GTF2H1: variants seen among roughly 807,000 people sequenced by gnomAD.
GTF2H1 encodes the protein BTF2 p62.
GTF2H1 carries 16 observed loss-of-function variants against 71.2 expected under a neutral mutation model. That is an observed-to-expected ratio of 0.22 (90% CI 0.15 to 0.34). GTF2H1 has a LOEUF of 0.34. Among genes scored for constraint, GTF2H1 ranks in the 10% least tolerant of loss-of-function variants. The probability of loss-of-function intolerance (pLI) is 1.00; values close to 1 mark genes in which losing one functional copy is unlikely to be tolerated. For missense variants in GTF2H1, 498 were observed against 648.2 expected, an observed-to-expected ratio of 0.77 and a Z score of 2.52; for synonymous variants, 215 against 219.0, an observed-to-expected ratio of 0.98 and a Z score of 0.16.
At chr11:18,351,517 G>T (rs1865424298) in intron 9 of GTF2H1, 1 of 153,510 alleles carries the variant, frequency 6.5e-6, no homozygotes, top group South Asian at 2.0e-4. Context: ...ACATGTAAAA[G>T]ACTGTTTCCT....
At chr11:18,337,978 C>G in intron 3 of GTF2H1, 131 bp from the exon 4 acceptor site, 2 of 602,412 alleles carry the variant, frequency 3.3e-6, no homozygotes, top group Middle Eastern at 4.5e-4. Flanking sequence ...TGAAGGACCT[C>G]TGCTGCTCAA....
chr11:18,357,870 A>G, intron 11 of GTF2H1, 82 bp from the exon 12 acceptor site: 4 of 805,808 alleles, frequency 5.0e-6, no homozygotes, highest in South Asian at 1.4e-5. Context: ...TGTCTGCTCT[A>G]AAACTAAAAT....
intron 1 of GTF2H1, among the ~76,000 whole-genome samples, chr11:18,327,538 A>G (rs1864794997): frequency 6.6e-6 from 1 of 152,176 alleles, no homozygotes; most frequent in Non-Finnish European, 1.5e-5. Flanking sequence ...TCATGGGATT[A>G]TTAACTGGGG....
chr11:18,365,953 C>A lies in GTF2H1; in HGVS notation c.*84C>A. 1.2e-6 allele frequency: 1 copy of A among 847,646 alleles called. No homozygotes were observed. The highest frequency in any genetic ancestry group is 2.0e-6 in the Non-Finnish European group (1 of 505,546). The allele number at this position is 847,646 out of a possible 1,614,324, so 52.5% of individuals were successfully genotyped here. On this transcript the variant is annotated 3_prime_UTR_variant, in exon 15 of 15. Transcript: ENST00000265963. ...CTGGAAACCTGGCCTGACAGACAAG[C>A]AGATGACCTCACAGGAGTGATAAGA...
rs1298087906 is a variant in GTF2H1 at position 18,357,960 on chromosome 11, AAGT to A, written c.1273_1275del (p.Ser425del). The A allele has an allele frequency of 6.2e-7, 1 of 1,606,352 alleles. No homozygotes were observed. The highest frequency in any genetic ancestry group is 1.7e-5 in the Admixed American group (1 of 59,950). ...ATCTTCATTTTTTTCAGGTTCTCTC[AAGT>A]AGTGCTGCCAGTAGTACCATCACAG... On this transcript the variant is annotated inframe_deletion, in exon 12 of 15. Coordinates refer to ENST00000265963, the MANE Select transcript of GTF2H1 (RefSeq NM_005316.4).
chr11:18,328,203 A>C (rs1256738731), intron 1 of GTF2H1, among the ~76,000 whole-genome samples: 1 of 17,562 alleles, frequency 5.7e-5, no homozygotes, highest in Non-Finnish European at 1.2e-4. Flanking sequence ...ACTCCATCTC[A>C]AAAAAAAAAA....
rs1387824199 is a variant in GTF2H1, at chr11:18,335,755, C to T, written c.156C>T (p.Cys52=). Residue 52 remains cysteine, a splice_region_variant and synonymous_variant, in exon 3 of 15, where the codon TGC becomes TGT. Coordinates refer to ENST00000265963, the MANE Select transcript of GTF2H1 (RefSeq NM_005316.4). Reference sequence around the variant, plus strand: ...AACTGCCCTCATGCTTCTTTTTAGGCCAGAAAATTAGTCCAGAAGGAAAAG... The same window carrying T: ...AACTGCCCTCATGCTTCTTTTTAGGTCAGAAAATTAGTCCAGAAGGAAAAG... ...TISHMYADIK[C]QKISPEGKAK... 1 of 1,611,802 alleles carries T rather than the reference C, an allele frequency of 6.2e-7. No homozygotes were observed. Among genetic ancestry groups the T allele is most frequent in the African/African-American group, 1.3e-5 (1 of 74,844 alleles).
intron 1 of GTF2H1, among the ~76,000 whole-genome samples, chr11:18,329,417 G>C (rs1048352424): frequency 1.3e-5 from 2 of 152,132 alleles, no homozygotes; most frequent in African/African-American, 2.4e-5. Flanking sequence ...ATGGGGTATG[G>C]GCAAGCAACC....
At chr11:18,334,996 T>C (rs1864990832) in intron 2 of GTF2H1, among the ~76,000 whole-genome samples, 1 of 152,236 alleles carries the variant, frequency 6.6e-6, no homozygotes, top group Non-Finnish European at 1.5e-5. Context: ...CAATCTAGGT[T>C]CCTGTAGTTG....
chr11:18,364,277 C>T (rs766513559), intron 14 of GTF2H1, among the ~76,000 whole-genome samples: 4 of 152,076 alleles, frequency 2.6e-5, no homozygotes, highest in African/African-American at 4.8e-5. Flanking sequence ...ACTCTGTACC[C>T]CTCAGACCTA....
intron 7 of GTF2H1, 156 bp downstream of exon 7, chr11:18,341,763 T>C (rs1865162561): frequency 1.9e-6 from 1 of 527,974 alleles, no homozygotes; most frequent in Non-Finnish European, 3.3e-6. Flanking sequence ...GAAATAGCGT[T>C]GTTTGCCATT....
At chr11:18,362,106 C>T (rs1200061255) in intron 14 of GTF2H1, among the ~76,000 whole-genome samples, 2 of 152,170 alleles carry the variant, frequency 1.3e-5, no homozygotes, top group African/African-American at 4.8e-5. Context: ...AGCTATATAG[C>T]CTACTATACT....
intron 7 of GTF2H1, among the ~76,000 whole-genome samples, chr11:18,342,475 T>C (rs1350924154): frequency 1.3e-5 from 2 of 152,120 alleles, no homozygotes; most frequent in Admixed American, 1.3e-4. Flanking sequence ...TTGGCCAGGC[T>C]GGTCTCAAAC....
At chr11:18,336,468 A>G (rs899945091) in intron 3 of GTF2H1, among the ~76,000 whole-genome samples, 1 of 152,076 alleles carries the variant, frequency 6.6e-6, no homozygotes, top group African/African-American at 2.4e-5. Flanking sequence ...ATGTAGGAAA[A>G]TATGGGCTCT....
chr11:18,339,382 G>A lies in GTF2H1; in HGVS notation c.514-182G>A, dbSNP rs141183212. On this transcript the variant is annotated intron_variant, in intron 4 of 14. Transcript: ENST00000265963. ...CAGATTTTATAGGTCACTTAAGACCGTGAGAAACCAGTCAGGCTTTTTTGA... is the reference window on the plus strand; with the variant it reads ...CAGATTTTATAGGTCACTTAAGACCATGAGAAACCAGTCAGGCTTTTTTGA... Among the ~76,000 whole-genome samples, 42 of 152,314 alleles carry A rather than the reference G, an allele frequency of 2.8e-4. 1 individual carries two copies. The East Asian group carries it at 4.0e-3, about 15-fold the overall frequency.
Position 18,341,425 on chromosome 11 carries a change from C to T in GTF2H1, c.757+15C>T, listed in dbSNP as rs779409555. 55 of 1,611,396 alleles carry T rather than the reference C, an allele frequency of 3.4e-5. No homozygotes were observed. Among genetic ancestry groups the T allele is most frequent in the Admixed American group, 1.5e-4 (9 of 59,850 alleles). On this transcript the variant is annotated intron_variant, in intron 6 of 14. Transcript: ENST00000265963. The stretch of plus-strand genomic sequence containing the variant: ...AGATGAAAAAGGTAACTGTTTATCT[C>T]TGATAGACACTGGTATTTAACTTGC...
intron 2 of GTF2H1, among the ~76,000 whole-genome samples, chr11:18,334,382 A>G (rs1864975405): frequency 6.6e-6 from 1 of 152,198 alleles, no homozygotes; most frequent in Non-Finnish European, 1.5e-5. Flanking sequence ...TCAAAAAAAG[A>G]CATATATTTC....
rs779494134 is a variant in GTF2H1 at position 18,360,601 on chromosome 11, C to T, written c.1468-14C>T. The T allele has an allele frequency of 2.4e-6, 3 of 1,270,888 alleles. No homozygotes were observed. Among genetic ancestry groups the T allele is most frequent in the South Asian group, 1.4e-5 (1 of 72,228 alleles). The allele number at this position is 1,270,888 out of a possible 1,614,324, so 78.7% of individuals were successfully genotyped here. A position where few individuals can be genotyped will look rare whatever the true frequency, so the allele number is the denominator to read the frequency against. On this transcript the variant is annotated splice_polypyrimidine_tract_variant and intron_variant, in intron 13 of 14. Coordinates refer to ENST00000265963, the MANE Select transcript of GTF2H1 (RefSeq NM_005316.4). ...GAGATTTCTCTGTAATTTATTGTTT[C>T]TCATCTTTTTTAGGTAGTGAAAATG...
chr11:18,323,448 C>T (rs941112693), intron 1 of GTF2H1, among the ~76,000 whole-genome samples: 3 of 152,030 alleles, frequency 2.0e-5, no homozygotes, highest in African/African-American at 7.3e-5. Context: ...GCTACAGTGC[C>T]TGGCCCCAAA....
Sources: gnomAD v4.1 joint callset for allele counts (sites outside exome capture counted in the v4.1 genomes callset) on GRCh38, gnomAD v4.1.1 for gene constraint, MANE v1.5 for transcripts, NCBI Gene and HGNC (gene_info 2026-07-23, HGNC 2026-07-21) for gene names.